The following DENND4C variants were observed in gnomAD, a reference collection of about 807,000 sequenced individuals.
DENND4C encodes the protein DENN domain-containing protein 4C.
In DENND4C, 108 loss-of-function variants were observed where a neutral mutation model predicts 203.0. That is an observed-to-expected ratio of 0.53 (90% CI 0.46 to 0.62). The LOEUF (loss-of-function observed/expected upper bound fraction) is 0.62, where lower values mean the gene tolerates loss of function less well. Among genes scored for constraint, DENND4C ranks in the 20% least tolerant of loss-of-function variants. DENND4C has a pLI of 0.00. For missense variants in DENND4C, 2,481 were observed against 2,301.2 expected (o/e 1.08, Z -1.60); for synonymous variants, 871 against 792.4 (o/e 1.10, Z -1.67).
chr9:19,259,437 A>G (rs890762683), intron 1 of DENND4C, among the ~76,000 whole-genome samples: 2 of 151,558 alleles, frequency 1.3e-5, no homozygotes, highest in Non-Finnish European at 2.9e-5. Context: ...AAATGACACA[A>G]TCTTGCTCTT....
At chr9:19,265,812 C>T (rs1300246421) in intron 1 of DENND4C, among the ~76,000 whole-genome samples, 1 of 152,180 alleles carries the variant, frequency 6.6e-6, no homozygotes, top group African/African-American at 2.4e-5. Flanking sequence ...CATAGTATTC[C>T]ATGGTGTATA....
chr9:19,286,396 T>C (rs1835223062), intron 2 of DENND4C, among the ~76,000 whole-genome samples: 1 of 152,192 alleles, frequency 6.6e-6, no homozygotes, highest in African/African-American at 2.4e-5. Flanking sequence ...GAAGCGAATT[T>C]TTATGAAAAC....
intron 3 of DENND4C, among the ~76,000 whole-genome samples, chr9:19,287,857 C>T (rs1434310887): frequency 2.6e-5 from 4 of 152,210 alleles, no homozygotes; most frequent in Admixed American, 1.3e-4. Context: ...CTCAGCCTCC[C>T]AGGTAGCTGG....
intron 20 of DENND4C, among the ~76,000 whole-genome samples, chr9:19,338,837 C>T (rs1028274798): frequency 1.3e-5 from 2 of 152,126 alleles, no homozygotes; most frequent in Non-Finnish European, 2.9e-5. Flanking sequence ...TGTTGTATGG[C>T]AAACCCAGAG....
intron 1 of DENND4C, among the ~76,000 whole-genome samples, chr9:19,244,540 A>T (rs1164440748): frequency 6.6e-6 from 1 of 151,722 alleles, no homozygotes; most frequent in East Asian, 1.9e-4. Flanking sequence ...AGAGATCGAG[A>T]CCATCCTGGC....
At chr9:19,315,255 GA>G (rs1841591345) in intron 10 of DENND4C, among the ~76,000 whole-genome samples, 1 of 151,740 alleles carries the variant, frequency 6.6e-6, no homozygotes, top group South Asian at 2.1e-4. Context: ...TGGTGAGACT[GA>G]AACTATGTGT....
At position 19,234,021 on chromosome 9, in the gene DENND4C, ATAT is replaced by A. The variant is rs1821243988; in HGVS notation, c.-18+3190_-18+3192del. Among the ~76,000 whole-genome samples, 5 of 152,336 alleles carry A rather than the reference ATAT, an allele frequency of 3.3e-5. No individual in the cohort carries two copies. In the South Asian group the frequency reaches 1.0e-3, roughly 32 times the overall value. On this transcript the variant is annotated intron_variant, in intron 1 of 32. Coordinates refer to ENST00000434457, the MANE Select transcript of DENND4C (RefSeq NM_001330640.2). ...TATACTTCTATAATGTAGTAGTATA[ATAT>A]TCTAATCCTGTCTGTGCTTGTGTAT...
intron 1 of DENND4C, among the ~76,000 whole-genome samples, chr9:19,261,665 G>T (rs2130641895): frequency 6.7e-6 from 1 of 149,358 alleles, no homozygotes; most frequent in Middle Eastern, 3.4e-3. Context: ...CACCAGGCCG[G>T]GCTAATTTTT....
At chr9:19,342,535 G>A in intron 21 of DENND4C, 98 bp from the exon 22 acceptor site, 1 of 1,303,690 alleles carries the variant, frequency 7.7e-7, no homozygotes, top group Non-Finnish European at 1.0e-6. Flanking sequence ...CACACTGACT[G>A]TTGGAGAAAA....
In DENND4C at chr9:19,352,490, G is replaced by GT; in HGVS notation, c.4610dup (p.Leu1537PhefsTer9). ...AGTGTCTGCATTTTTCTGTTTTTAG[G>GT]TTTTGATGTCCAGTTGTTCACAGTG... On this transcript the variant is annotated frameshift_variant and splice_region_variant, in exon 26 of 33. Transcript: ENST00000434457. LOFTEE classifies it high-confidence loss of function. 1.9e-6 allele frequency: 3 copies of GT among 1,566,144 alleles called. No homozygotes were observed. The highest frequency in any genetic ancestry group is 2.6e-6 in the Non-Finnish European group (3 of 1,155,506).
intron 24 of DENND4C, 54 bp from the exon 25 acceptor site, chr9:19,352,007 GGCATGCATTTTC>G: frequency 7.6e-7 from 1 of 1,310,414 alleles, no homozygotes; most frequent in Non-Finnish European, 1.1e-6. Context: ...TAAATACTTT[GGCATGCATTTTC>G]AAAAAACAAG....
intron 27 of DENND4C, 199 bp from the exon 28 acceptor site, chr9:19,357,766 C>G (rs2132166907): frequency 2.1e-6 from 1 of 475,850 alleles, no homozygotes; most frequent in East Asian, 3.1e-5. Flanking sequence ...CACCCCTCAC[C>G]AGAACCATCT....
At chr9:19,276,909 G>A (rs1832997535) in intron 2 of DENND4C, among the ~76,000 whole-genome samples, 1 of 151,948 alleles carries the variant, frequency 6.6e-6, no homozygotes, top group South Asian at 2.1e-4. Context: ...TTTAAATACA[G>A]TTGTAACGTG....
At chr9:19,366,018 C>G (rs144127293) in intron 30 of DENND4C, among the ~76,000 whole-genome samples, 1 of 152,288 alleles carries the variant, frequency 6.6e-6, no homozygotes, top group Non-Finnish European at 1.5e-5. Context: ...AGATTGAATG[C>G]AGTCCCTATC....
In DENND4C at chr9:19,296,793, TTTA is replaced by T. The variant is rs553876163; in HGVS notation, c.1040+550_1040+552del. Among the ~76,000 whole-genome samples, 290 of 152,340 alleles carry T rather than the reference TTTA, an allele frequency of 1.9e-3. 1 individual carries two copies. The highest frequency in any genetic ancestry group is 0.017 in the Middle Eastern group (5 of 294). On this transcript the variant is annotated intron_variant, in intron 6 of 32. Coordinates refer to ENST00000434457, the MANE Select transcript of DENND4C (RefSeq NM_001330640.2). ...TATATTGTGAGTGTTCTTCTTCCTA[TTTA>T]TTCTCTAATAACCAAGAGACAAATA... is the stretch of plus-strand genomic sequence containing the variant.
intron 10 of DENND4C, among the ~76,000 whole-genome samples, chr9:19,313,577 C>G (rs1467892810): frequency 6.6e-6 from 1 of 152,178 alleles, no homozygotes; most frequent in African/African-American, 2.4e-5. Flanking sequence ...AGAAGTTGAT[C>G]AGAGTTAAAC....
rs1332199516 is a variant in DENND4C at position 19,341,213 on chromosome 9, A to C, written c.3004+99A>C. ...TGATAGCTTTGATGATTATTTTCAC[A>C]AATGTAAGGTCTGGCTCCTAAGATG... On this transcript the variant is annotated intron_variant, in intron 21 of 32. Coordinates refer to ENST00000434457, the MANE Select transcript of DENND4C (RefSeq NM_001330640.2). 3 of 1,024,924 alleles carry C rather than the reference A, an allele frequency of 2.9e-6. No individual in the cohort carries two copies. In the African/African-American group the frequency reaches 5.1e-5, roughly 17 times the overall value. 63.5% of individuals were successfully genotyped at this position (1,024,924 alleles called of 1,614,324 possible). A position where few individuals can be genotyped will look rare whatever the true frequency, so the allele number is the denominator to read the frequency against.
intron 15 of DENND4C, among the ~76,000 whole-genome samples, chr9:19,327,476 A>G (rs893251477): frequency 3.3e-5 from 5 of 152,132 alleles, no homozygotes; most frequent in Non-Finnish European, 5.9e-5. Flanking sequence ...AGCAAATTCT[A>G]TTATTGGGTA....
intron 30 of DENND4C, among the ~76,000 whole-genome samples, chr9:19,362,666 A>G (rs568090194): frequency 2.6e-5 from 4 of 152,256 alleles, no homozygotes; most frequent in African/African-American, 9.6e-5. Flanking sequence ...TATCAAGTAA[A>G]AATTTGGTTG....
Sources: gnomAD v4.1 joint callset for allele counts (sites outside exome capture counted in the v4.1 genomes callset) on GRCh38, gnomAD v4.1.1 for gene constraint, MANE v1.5 for transcripts, NCBI Gene and HGNC (gene_info 2026-07-23, HGNC 2026-07-21) for gene names.